Variants in TENM2 observed in about 807,000 individuals in gnomAD.
The protein encoded by TENM2 is teneurin-2.
TENM2 carries 52 observed loss-of-function variants against 245.2 expected under a neutral mutation model. The ratio of observed to expected loss-of-function variants is 0.21; its 90% CI spans 0.17 to 0.27. The LOEUF (loss-of-function observed/expected upper bound fraction) is 0.27. TENM2 is among the 10% of genes least tolerant of loss of function. The probability of loss-of-function intolerance (pLI) is 1.00; values close to 1 mark genes in which losing one functional copy is unlikely to be tolerated. For synonymous variants in TENM2, 1,363 were observed against 1,438.9 expected (o/e 0.95, Z 1.19); for missense variants, 3,046 against 3,666.8 (o/e 0.83, Z 4.37).
At position 167,399,414 on chromosome 5, in the gene TENM2, G is replaced by A. The variant is rs117711124; in HGVS notation, c.502+23941G>A. Among the ~76,000 whole-genome samples, 53 of 152,320 alleles carry A rather than the reference G, an allele frequency of 3.5e-4. No individual in the cohort carries two copies. In the East Asian group the frequency reaches 8.9e-3, roughly 26 times the overall value. ...CCTTTAACTACAGCAGAACGCTGCA[G>A]CATCACTCATTCTGAACACAAGTTA... On this transcript the variant is annotated intron_variant, in intron 2 of 28. Coordinates refer to ENST00000518659, the Ensembl canonical transcript of TENM2.
At chr5:167,559,260 C>T (rs947797103) in intron 2 of TENM2, among the ~76,000 whole-genome samples, 3 of 152,208 alleles carry the variant, frequency 2.0e-5, no homozygotes, top group African/African-American at 4.8e-5. Flanking sequence ...CAAATCATCC[C>T]TCCGTTGTGT....
chr5:167,624,184 G>A (rs1045889261), intron 2 of TENM2, among the ~76,000 whole-genome samples: 6 of 152,120 alleles, frequency 3.9e-5, no homozygotes, highest in African/African-American at 1.4e-4. Flanking sequence ...CCCATCAATG[G>A]CGGATTGGGT....
At chr5:167,479,737 G>A (rs1390884784) in intron 2 of TENM2, among the ~76,000 whole-genome samples, 2 of 152,076 alleles carry the variant, frequency 1.3e-5, no homozygotes, top group Non-Finnish European at 2.9e-5. Flanking sequence ...TTACTTACTA[G>A]ACTGTAAACT....
At position 167,589,534 on chromosome 5, in the gene TENM2, G is replaced by A. The variant is rs922455767; in HGVS notation, c.502+214061G>A. 1.2e-4 allele frequency among the ~76,000 whole-genome samples: 18 copies of A among 151,950 alleles called. 1 individual carries two copies. The highest frequency in any genetic ancestry group is 5.8e-4 in the East Asian group (3 of 5,194). On this transcript the variant is annotated intron_variant, in intron 2 of 28. Coordinates refer to ENST00000518659, the Ensembl canonical transcript of TENM2. ...AATATTCCCCAATAAGTTTATGATAGCAATAGAAATTAGCATATTTTAAAA... is the reference window on the plus strand; with the variant it reads ...AATATTCCCCAATAAGTTTATGATAACAATAGAAATTAGCATATTTTAAAA...
intron 2 of TENM2, among the ~76,000 whole-genome samples, chr5:167,515,318 T>C (rs905546683): frequency 6.6e-6 from 1 of 152,140 alleles, no homozygotes; most frequent in Non-Finnish European, 1.5e-5. Context: ...AGAGTATATA[T>C]GTAAGTGTCT....
At chr5:167,286,833 A>G (rs1754301434) in intron 1 of TENM2, among the ~76,000 whole-genome samples, 2 of 152,218 alleles carry the variant, frequency 1.3e-5, no homozygotes, top group Admixed American at 6.5e-5. Flanking sequence ...ATATTTACAT[A>G]AAATAAAACC....
At chr5:167,283,476 A>G (rs1376017537), upstream of TENM2, among the ~76,000 whole-genome samples, 2 of 152,326 alleles carry the variant, frequency 1.3e-5, no homozygotes, top group Non-Finnish European at 2.9e-5. Context: ...TGAAAAAACA[A>G]GGGAGGGGCT....
intron 8 of TENM2, among the ~76,000 whole-genome samples, chr5:168,091,398 C>T (rs995690266): frequency 6.6e-6 from 1 of 152,086 alleles, no homozygotes; most frequent in South Asian, 2.1e-4. Context: ...AAGAGAAAAG[C>T]GAAGTTTCAA....
chr5:167,988,488 A>G (rs1465326473), intron 4 of TENM2, among the ~76,000 whole-genome samples: 1 of 152,218 alleles, frequency 6.6e-6, no homozygotes, highest in African/African-American at 2.4e-5. Flanking sequence ...ACAGAAATTG[A>G]AGGGGCCCAG....
intron 2 of TENM2, among the ~76,000 whole-genome samples, chr5:167,613,557 T>C (rs1777605140): frequency 1.3e-5 from 2 of 151,962 alleles, no homozygotes; most frequent in Admixed American, 6.6e-5. Flanking sequence ...AACGTAAAGG[T>C]CCCCTGATAT....
chr5:168,208,453 C>T (rs933980849), intron 19 of TENM2, among the ~76,000 whole-genome samples: 33 of 152,130 alleles, frequency 2.2e-4, no homozygotes, highest in Admixed American at 1.8e-3. Flanking sequence ...TAGTACCGGG[C>T]GGGGGGAAAG....
chr5:167,698,270 G>T (rs1757903100), intron 2 of TENM2, among the ~76,000 whole-genome samples: 1 of 152,134 alleles, frequency 6.6e-6, no homozygotes, highest in African/African-American at 2.4e-5. Flanking sequence ...TAAGATGATG[G>T]CTTCAGATCA....
intron 1 of TENM2, among the ~76,000 whole-genome samples, chr5:167,340,951 G>A (rs1392453380): frequency 6.6e-6 from 1 of 152,096 alleles, no homozygotes; most frequent in East Asian, 1.9e-4. Flanking sequence ...GAAGAAGTGG[G>A]AGCTTGCTCG....
intron 2 of TENM2, among the ~76,000 whole-genome samples, chr5:167,454,075 T>C (rs1402071351): frequency 6.6e-6 from 1 of 152,122 alleles, no homozygotes; most frequent in Non-Finnish European, 1.5e-5. Flanking sequence ...TTCTTGTAAA[T>C]CATCAGTGCC....
At chr5:167,742,071 G>A (rs963609368) in intron 2 of TENM2, among the ~76,000 whole-genome samples, 4 of 152,126 alleles carry the variant, frequency 2.6e-5, no homozygotes, top group African/African-American at 9.7e-5. Flanking sequence ...AATATCCTAA[G>A]TGGCAATTAA....
chr5:167,254,153 G>A, the TENM2 span, among the ~76,000 whole-genome samples: 22 of 152,160 alleles, frequency 1.4e-4, no homozygotes, highest in Admixed American at 6.6e-4. Flanking sequence ...AGCTGGCATG[G>A]GGACCACGGC....
chr5:167,830,337 GCTTT>G (rs909901424), intron 2 of TENM2, among the ~76,000 whole-genome samples: 9 of 151,962 alleles, frequency 5.9e-5, no homozygotes, highest in African/African-American at 2.2e-4. Flanking sequence ...CATTTTTTCT[GCTTT>G]CTTTTTTAAA....
intron 12 of TENM2, among the ~76,000 whole-genome samples, chr5:168,154,244 G>A (rs528771983): frequency 2.0e-5 from 3 of 148,040 alleles, no homozygotes; most frequent in Admixed American, 7.0e-5. Context: ...ACAAAGTCTC[G>A]TTCTTTTGCC....
At chr5:167,266,552 G>T in the TENM2 span, among the ~76,000 whole-genome samples, 1 of 152,076 alleles carries the variant, frequency 6.6e-6, no homozygotes, top group Non-Finnish European at 1.5e-5. Flanking sequence ...GGTGAAATCT[G>T]GATTTAAAGC....
Sources: allele counts gnomAD v4.1 joint callset (sites outside exome capture counted in the v4.1 genomes callset), GRCh38; gene constraint gnomAD v4.1.1; transcripts MANE v1.5; gene names NCBI Gene and HGNC (gene_info 2026-07-23, HGNC 2026-07-21).